Variants in MAGI2 observed in about 807,000 individuals in gnomAD.
MAGI2 encodes membrane-associated guanylate kinase, WW and PDZ domain-containing protein 2.
A neutral mutation model predicts 133.3 loss-of-function variants in MAGI2; 35 were observed. That is an observed-to-expected ratio of 0.26 (90% CI 0.20 to 0.35). The LOEUF (loss-of-function observed/expected upper bound fraction) is 0.35, where lower values mean the gene tolerates loss of function less well. Ranked by LOEUF, MAGI2 falls within the 10% of genes least tolerant of loss-of-function variation. MAGI2 has a pLI of 1.00. For missense variants in MAGI2, 1,636 were observed against 1,863.4 expected (o/e 0.88, Z 2.25); for synonymous variants, 729 against 710.6 (o/e 1.03, Z -0.41).
At chr7:79,233,876 T>G (rs1468524561) in intron 1 of MAGI2, among the ~76,000 whole-genome samples, 1 of 151,678 alleles carries the variant, frequency 6.6e-6, no homozygotes, top group African/African-American at 2.4e-5. Context: ...GTTGATGCAG[T>G]TTCTTCCTAG....
At chr7:79,445,974 T>C (rs372135073) in intron 1 of MAGI2, among the ~76,000 whole-genome samples, 1 of 152,336 alleles carries the variant, frequency 6.6e-6, no homozygotes, top group Non-Finnish European at 1.5e-5. Context: ...CACCATGGAA[T>C]ACTATGCAGC....
At chr7:79,285,321 C>A (rs1563077645) in intron 1 of MAGI2, among the ~76,000 whole-genome samples, 1 of 151,968 alleles carries the variant, frequency 6.6e-6, no homozygotes, top group Non-Finnish European at 1.5e-5. Context: ...AAAGTTTTTT[C>A]TGTCAAGTTT....
intron 3 of MAGI2, among the ~76,000 whole-genome samples, chr7:78,562,611 T>TA (rs1218776981): frequency 1.3e-5 from 2 of 152,308 alleles, no homozygotes; most frequent in African/African-American, 2.4e-5. Flanking sequence ...GTGAAACAGG[T>TA]AAAAAATCAT....
intron 2 of MAGI2, among the ~76,000 whole-genome samples, chr7:78,895,672 G>A (rs987242702): frequency 6.6e-6 from 1 of 151,932 alleles, no homozygotes; most frequent in Admixed American, 6.6e-5. Flanking sequence ...AGGCTCCAAG[G>A]GCTCGCTATT....
intron 1 of MAGI2, chr7:79,412,940 G>A (rs889211020): frequency 3.3e-5 from 5 of 152,062 alleles, no homozygotes; most frequent in Non-Finnish European, 7.4e-5. Context: ...TGCCTTTTGA[G>A]GGAGAAAATA....
chr7:78,279,492 A>G (rs1191051996), intron 9 of MAGI2, among the ~76,000 whole-genome samples: 6 of 152,154 alleles, frequency 3.9e-5, no homozygotes, highest in Non-Finnish European at 8.8e-5. Flanking sequence ...GCTGAACATC[A>G]GGCTTAAAAC....
At chr7:78,947,351 A>G (rs546409901) in intron 2 of MAGI2, among the ~76,000 whole-genome samples, 3 of 152,078 alleles carry the variant, frequency 2.0e-5, no homozygotes, top group Non-Finnish European at 2.9e-5. Context: ...GCTGTGATTG[A>G]TAAGACAAAC....
chr7:78,767,346 ACTT>A (rs1825135703), intron 2 of MAGI2, among the ~76,000 whole-genome samples: 1 of 145,182 alleles, frequency 6.9e-6, no homozygotes, highest in African/African-American at 2.6e-5. Flanking sequence ...AAGGCAACAC[ACTT>A]TTTTTTTTTT....
intron 3 of MAGI2, among the ~76,000 whole-genome samples, chr7:78,602,263 G>A (rs773752417): frequency 6.6e-6 from 1 of 152,020 alleles, no homozygotes; most frequent in African/African-American, 2.4e-5. Context: ...GGGTTCAAGC[G>A]ATTCTCCTAC....
rs117010549 is a variant in MAGI2, at chr7:78,757,797, G to C, written c.419-130558C>G. On this transcript the variant is annotated intron_variant, in intron 2 of 21. Coordinates refer to ENST00000354212, the MANE Select transcript of MAGI2 (RefSeq NM_012301.4). ...CACCCTGGAGTTTAGTACAGAAAGT[G>C]TTCTTTTCTCTCCACACTCAGTCCT... Among the ~76,000 whole-genome samples, 131 of 152,186 alleles carry C rather than the reference G, an allele frequency of 8.6e-4. No homozygotes were observed. The East Asian group carries it at 0.011, about 13-fold the overall frequency.
At chr7:78,461,793 C>G (rs908369789) in intron 6 of MAGI2, among the ~76,000 whole-genome samples, 1 of 151,166 alleles carries the variant, frequency 6.6e-6, no homozygotes, top group Non-Finnish European at 1.5e-5. Context: ...TGCCTGTAAT[C>G]CCAGCTACTC....
At chr7:78,209,794 C>T (rs143898573) in intron 10 of MAGI2, among the ~76,000 whole-genome samples, 151 of 152,258 alleles carry the variant, frequency 9.9e-4, no homozygotes, top group Middle Eastern at 3.4e-3. Flanking sequence ...TGAGACGAAA[C>T]GCAAAACCTA....
At chr7:78,162,357 C>A (rs1186093260) in intron 15 of MAGI2, among the ~76,000 whole-genome samples, 42 of 137,042 alleles carry the variant, frequency 3.1e-4, no homozygotes, top group South Asian at 4.7e-4. Flanking sequence ...ACTAAAAATA[C>A]AAAAAAAAAA....
chr7:78,125,173 A>ATT (rs1300153404), intron 20 of MAGI2, among the ~76,000 whole-genome samples: 4 of 152,010 alleles, frequency 2.6e-5, no homozygotes, highest in African/African-American at 9.7e-5. Flanking sequence ...CCCTGCTGTC[A>ATT]TTTTTAAGAA....
rs1362366750 is a variant in MAGI2 at position 79,212,416 on chromosome 7, T to C, written c.302-205210A>G. On this transcript the variant is annotated intron_variant, in intron 1 of 21. Coordinates refer to ENST00000354212, the MANE Select transcript of MAGI2 (RefSeq NM_012301.4). ...GTACATTTTAAAGTTTAAAAGATACTGCAAAATAATTTTCCAAAAATTTGG... is the reference window on the plus strand; with the variant it reads ...GTACATTTTAAAGTTTAAAAGATACCGCAAAATAATTTTCCAAAAATTTGG... Among the ~76,000 whole-genome samples, 6 of 152,140 alleles carry C rather than the reference T, an allele frequency of 3.9e-5. No homozygotes were observed. In the East Asian group the frequency reaches 1.2e-3, roughly 29 times the overall value.
intron 9 of MAGI2, among the ~76,000 whole-genome samples, chr7:78,293,646 T>G (rs1416471110): frequency 1.3e-5 from 2 of 152,244 alleles, no homozygotes; most frequent in Admixed American, 1.3e-4. Flanking sequence ...GTGTGTTTAT[T>G]GTGGCACTAT....
chr7:78,103,611 G>A (rs1818396090), intron 20 of MAGI2, among the ~76,000 whole-genome samples: 1 of 152,220 alleles, frequency 6.6e-6, no homozygotes, highest in African/African-American at 2.4e-5. Context: ...AGTAAGTGAC[G>A]AAGTTGGGCT....
Position 79,061,061 on chromosome 7 carries a change from T to C in MAGI2, c.302-53855A>G, listed in dbSNP as rs570345014. On this transcript the variant is annotated intron_variant, in intron 1 of 21. Transcript: ENST00000354212. ...TGACTAATCAGGAGGCTTTAAGTGA[T>C]ATTTGCATAACTAATGTTTCTTAGC... Among the ~76,000 whole-genome samples the C allele has an allele frequency of 2.3e-3, 350 of 152,210 alleles. 4 individuals carry two copies. Among genetic ancestry groups the C allele is most frequent in the African/African-American group, 7.7e-3 (320 of 41,564 alleles).
intron 2 of MAGI2, among the ~76,000 whole-genome samples, chr7:78,922,356 C>A (rs1266822642): frequency 6.6e-6 from 1 of 151,328 alleles, no homozygotes; most frequent in Non-Finnish European, 1.5e-5. Flanking sequence ...CCCCACCCCA[C>A]AACAGTCCCC....
Sources: allele counts gnomAD v4.1 joint callset (sites outside exome capture counted in the v4.1 genomes callset), GRCh38; gene constraint gnomAD v4.1.1; transcripts MANE v1.5; gene names NCBI Gene and HGNC (gene_info 2026-07-23, HGNC 2026-07-21).